Variants in UGT1A7 observed in about 807,000 individuals in gnomAD.
The protein encoded by UGT1A7 is UDP-glucuronosyltransferase 1A7.
UGT1A7 carries 33 observed loss-of-function variants against 45.6 expected under a neutral mutation model. The ratio of observed to expected loss-of-function variants is 0.72; its 90% CI spans 0.55 to 0.97. The LOEUF is 0.97. Among genes scored for constraint, UGT1A7 ranks in the 50% least tolerant of loss-of-function variants. UGT1A7 has a pLI of 0.00. For missense variants in UGT1A7, 684 were observed against 666.2 expected (o/e 1.03, Z -0.29); for synonymous variants, 274 against 250.6 (o/e 1.09, Z -0.88).
rs1700515616 is a variant in UGT1A7, at chr2:233,772,390, C to A, written c.1424C>A (p.Ala475Asp). 4 of 1,614,144 alleles carry A rather than the reference C, an allele frequency of 2.5e-6. No individual in the cohort carries two copies. The highest frequency in any genetic ancestry group is 3.4e-6 in the Non-Finnish European group (4 of 1,180,058). Residue 475 changes from alanine (A) to aspartate (D), a missense_variant, in exon 5 of 5, where the codon GCC (alanine) becomes GAC (aspartate). Transcript: ENST00000373426. ...GGCGCGCCACACCTGCGCCCCGCAGCCCACGACCTCACCTGGTACCAGTAC... is the reference window on the plus strand; with the variant it reads ...GGCGCGCCACACCTGCGCCCCGCAGACCACGACCTCACCTGGTACCAGTAC... ...HKGAPHLRPA[A>D]HDLTWYQYHS...
intron 4 of UGT1A7, 31 bp downstream of exon 4, chr2:233,768,470 G>A: frequency 6.2e-7 from 1 of 1,602,840 alleles, no homozygotes; most frequent in Non-Finnish European, 8.5e-7. Flanking sequence ...GAATACTTTG[G>A]TCATGGCATT....
At chr2:233,743,605 G>C in intron 1 of UGT1A7, 5 of 1,367,304 alleles carry the variant, frequency 3.7e-6, no homozygotes, top group Non-Finnish European at 4.9e-6. Flanking sequence ...CCTGGCCGCC[G>C]AAGAACTCCC....
At chr2:233,697,906 T>A (rs1439764311) in intron 1 of UGT1A7, among the ~76,000 whole-genome samples, 1 of 152,240 alleles carries the variant, frequency 6.6e-6, no homozygotes, top group Non-Finnish European at 1.5e-5. Flanking sequence ...ATCTATTGAC[T>A]CCTTCTCCTA....
chr2:233,746,976 G>A (rs118160610), intron 1 of UGT1A7, among the ~76,000 whole-genome samples: 2 of 151,898 alleles, frequency 1.3e-5, no homozygotes, highest in South Asian at 2.1e-4. Flanking sequence ...TCCCCAGAGC[G>A]AGCGCAGGGT....
At chr2:233,713,669 T>G in intron 1 of UGT1A7, 1 of 1,613,978 alleles carries the variant, frequency 6.2e-7, no homozygotes, top group Non-Finnish European at 8.5e-7. Context: ...TTTGCCATGC[T>G]GTTTCTGCTC....
At chr2:233,697,683 TC>T (rs1346047688) in intron 1 of UGT1A7, among the ~76,000 whole-genome samples, 1 of 152,134 alleles carries the variant, frequency 6.6e-6, no homozygotes. Context: ...TCAAAATATT[TC>T]TGCTTTTTGG....
In UGT1A7 at chr2:233,761,156, G is replaced by T. The variant is rs777807265; in HGVS notation, c.856-5878G>T. On this transcript the variant is annotated intron_variant, in intron 1 of 4. Transcript: ENST00000373426. ...CACCAAAATCCACTATCCCAGGTGT[G>T]TATTGGAGTGGGACTTTTACATGCG... The T allele has an allele frequency of 2.7e-5, 43 of 1,614,110 alleles. No homozygotes were observed. The highest frequency in any genetic ancestry group is 1.4e-5 in the Non-Finnish European group (17 of 1,180,052).
rs142919887 is a variant in UGT1A7, at chr2:233,693,235, C to A, written c.855+10443C>A. The A allele has an allele frequency of 1.4e-4, 230 of 1,614,162 alleles. 1 individual carries two copies. The African/African-American group carries it at 2.3e-3, about 16-fold the overall frequency. ...AATCCAAATACTACACAAGAAAAAT[C>A]TATCCAGTGCCGTATGACCAAGAAG... On this transcript the variant is annotated intron_variant, in intron 1 of 4. Transcript: ENST00000373426.
At chr2:233,707,049 C>T (rs1469327934) in intron 1 of UGT1A7, among the ~76,000 whole-genome samples, 2 of 152,080 alleles carry the variant, frequency 1.3e-5, no homozygotes, top group African/African-American at 4.8e-5. Context: ...GGAAGCTGCT[C>T]AGGTGGACAG....
intron 1 of UGT1A7, among the ~76,000 whole-genome samples, chr2:233,758,359 C>A (rs1696853264): frequency 6.6e-6 from 1 of 152,198 alleles, no homozygotes; most frequent in Non-Finnish European, 1.5e-5. Flanking sequence ...GCAGGAAAGT[C>A]ATAAAATCAT....
At chr2:233,748,100 CCAAT>C (rs1693866670) in intron 1 of UGT1A7, 1 of 1,612,644 alleles carries the variant, frequency 6.2e-7, no homozygotes, top group South Asian at 1.1e-5. Context: ...GTGCCTTCAT[CCAAT>C]CAATGTTCCA....
chr2:233,770,590 G>A (rs1203955957), intron 4 of UGT1A7: 2 of 151,878 alleles, frequency 1.3e-5, no homozygotes, highest in Non-Finnish European at 2.9e-5. Flanking sequence ...CCTGAGAGGC[G>A]GAGGTTGCAG....
At chr2:233,697,374 A>T (rs1382201272) in intron 1 of UGT1A7, among the ~76,000 whole-genome samples, 1 of 152,066 alleles carries the variant, frequency 6.6e-6, no homozygotes, top group East Asian at 1.9e-4. Flanking sequence ...TATAGAGTTC[A>T]CAATAATCGC....
chr2:233,692,069 G>A (rs561422627), intron 1 of UGT1A7: 5 of 151,060 alleles, frequency 3.3e-5, no homozygotes, highest in Admixed American at 6.6e-5. Context: ...GAAGAAAGGA[G>A]AGAGAGATTG....
chr2:233,713,305 A>G, intron 1 of UGT1A7: 3 of 1,614,274 alleles, frequency 1.9e-6, no homozygotes, highest in Non-Finnish European at 2.5e-6. Context: ...GAAACAGAAC[A>G]TCTTCTGATG....
chr2:233,717,415 G>C (rs565971108), intron 1 of UGT1A7, among the ~76,000 whole-genome samples: 2 of 152,300 alleles, frequency 1.3e-5, no homozygotes, highest in East Asian at 3.9e-4. Context: ...TGCCTCCCTT[G>C]AGCTGGGTGT....
rs566254737 is a variant in UGT1A7, at chr2:233,705,102, C to T, written c.855+22310C>T. 1.4e-4 allele frequency among the ~76,000 whole-genome samples: 21 copies of T among 150,040 alleles called. No homozygotes were observed. In the East Asian group the frequency reaches 3.3e-3, roughly 24 times the overall value. On this transcript the variant is annotated intron_variant, in intron 1 of 4. Transcript: ENST00000373426. ...AGAGAGCCAAGATCGTGCCATTGCA[C>T]GCCAGCCTGGGGGACAAGAGCGAGA...
chr2:233,751,076 G>A (rs1694634911), intron 1 of UGT1A7, among the ~76,000 whole-genome samples: 1 of 151,954 alleles, frequency 6.6e-6, no homozygotes, highest in Non-Finnish European at 1.5e-5. Context: ...GCCAGCCTCT[G>A]AAGGCAGCCA....
At chr2:233,760,808 C>T in intron 1 of UGT1A7, 3 of 1,613,442 alleles carry the variant, frequency 1.9e-6, no homozygotes, top group Non-Finnish European at 2.5e-6. Flanking sequence ...TTCTTGCATG[C>T]ACTGCCATGC....
Sources: allele counts gnomAD v4.1 joint callset (sites outside exome capture counted in the v4.1 genomes callset), GRCh38; gene constraint gnomAD v4.1.1; transcripts MANE v1.5; gene names NCBI Gene and HGNC (gene_info 2026-07-23, HGNC 2026-07-21).